Variants in BIN1 observed in about 807,000 individuals in gnomAD.
The protein encoded by BIN1 is bridging integrator 1.
Under a neutral mutation model 82.0 loss-of-function variants are expected in BIN1, and 53 were observed. The observed-to-expected ratio is 0.65, with a 90% CI of 0.52 to 0.81. The LOEUF is 0.81. Among genes scored for constraint, BIN1 ranks in the 40% least tolerant of loss-of-function variants. The pLI is 0.00. For synonymous variants in BIN1, 302 were observed against 328.0 expected (o/e 0.92, Z 0.86); for missense variants, 642 against 784.4 (o/e 0.82, Z 2.17).
At chr2:127,078,648 G>A (rs749933533) in intron 1 of BIN1, among the ~76,000 whole-genome samples, 18 of 152,172 alleles carry the variant, frequency 1.2e-4, no homozygotes, top group Non-Finnish European at 2.5e-4. Flanking sequence ...GGCTGACACA[G>A]GGATGAGAGA....
Position 127,053,925 on chromosome 2 carries a change from C to T in BIN1, c.1219G>A (p.Ala407Thr), listed in dbSNP as rs1378879035. 2 of 1,551,468 alleles carry T rather than the reference C, an allele frequency of 1.3e-6. No homozygotes were observed. Among genetic ancestry groups the T allele is most frequent in the Non-Finnish European group, 1.7e-6 (2 of 1,147,034 alleles). ...PLPPVTSPVK[A>T]PTPSGQSIPW... ...CCAACCTGACCAGAGGGCGTGGGTG[C>T]CTTCACAGGGCTCGTCACGGGCGGG... Residue 407 changes from alanine (A) to threonine (T), a missense_variant, in exon 13 of 19, where the codon GCA becomes ACA. By Grantham distance (58) the Ala-to-Thr change is moderately conservative (BLOSUM62 0). Transcript: ENST00000316724.
chr2:127,081,758 T>A, intron 1 of BIN1: 1 of 1,270,618 alleles, frequency 7.9e-7, no homozygotes, highest in Non-Finnish European at 1.0e-6. Context: ...AAGGGGGACC[T>A]CATCCAGCAA....
chr2:127,064,831 G>C (rs372833967), intron 7 of BIN1: 1 of 152,812 alleles, frequency 6.5e-6, no homozygotes, highest in African/African-American at 2.4e-5. Context: ...AAGGGACTGC[G>C]GGCAGCAGGT....
chr2:127,101,005 G>C (rs11674295), intron 1 of BIN1, among the ~76,000 whole-genome samples: 26 of 116,360 alleles, frequency 2.2e-4, no homozygotes, highest in Non-Finnish European at 3.9e-4. Flanking sequence ...TGTGCGGGGG[G>C]TGGGGATAGA....
chr2:127,091,615 G>A (rs1415825700), intron 1 of BIN1, among the ~76,000 whole-genome samples: 2 of 152,190 alleles, frequency 1.3e-5, no homozygotes, highest in South Asian at 2.1e-4. Flanking sequence ...CTGACCGGGC[G>A]TGGTGGTTCA....
At chr2:127,097,241 C>G (rs1311806121) in intron 1 of BIN1, among the ~76,000 whole-genome samples, 2 of 152,170 alleles carry the variant, frequency 1.3e-5, no homozygotes, top group Non-Finnish European at 2.9e-5. Flanking sequence ...AAAGGGTGAG[C>G]GGATCCACTG....
At chr2:127,097,829 A>G (rs1324976523) in intron 1 of BIN1, among the ~76,000 whole-genome samples, 1 of 152,200 alleles carries the variant, frequency 6.6e-6, no homozygotes, top group East Asian at 1.9e-4. Context: ...GCCTCTGCCC[A>G]TCTCCTCAAA....
intron 2 of BIN1, among the ~76,000 whole-genome samples, chr2:127,074,046 A>T (rs898482618): frequency 2.0e-5 from 3 of 152,032 alleles, no homozygotes; most frequent in Non-Finnish European, 2.9e-5. Flanking sequence ...CCCACCCCAT[A>T]AGAAGGGGTG....
intron 1 of BIN1, among the ~76,000 whole-genome samples, chr2:127,100,786 C>T (rs1014222216): frequency 9.2e-5 from 14 of 152,134 alleles, no homozygotes; most frequent in Non-Finnish European, 2.1e-4. Flanking sequence ...GGTGCTGGGC[C>T]TCTTCCACAG....
chr2:127,064,612 C>G (rs1415047903), intron 7 of BIN1, among the ~76,000 whole-genome samples: 1 of 152,218 alleles, frequency 6.6e-6, no homozygotes, highest in Non-Finnish European at 1.5e-5. Flanking sequence ...AGAGGGAGAC[C>G]AGAGGCAGCC....
At chr2:127,060,169 T>C (rs1684252056) in intron 10 of BIN1, among the ~76,000 whole-genome samples, 2 of 152,322 alleles carry the variant, frequency 1.3e-5, no homozygotes, top group African/African-American at 4.8e-5. Context: ...CCTTCTGGAA[T>C]TTGTGTTTTA....
intron 2 of BIN1, among the ~76,000 whole-genome samples, chr2:127,073,107 C>T (rs1686121151): frequency 6.6e-6 from 1 of 152,232 alleles, no homozygotes; most frequent in Non-Finnish European, 1.5e-5. Flanking sequence ...CTTGTGTTTC[C>T]CAAACAACGC....
intron 8 of BIN1, 63 bp from the exon 9 acceptor site, chr2:127,063,709 T>C (rs999185345): frequency 2.8e-5 from 44 of 1,559,336 alleles, no homozygotes; most frequent in Admixed American, 2.7e-4. Context: ...AACTCAGAAA[T>C]ACCCACCCAC....
At chr2:127,060,461 C>T in intron 10 of BIN1, 3 of 1,355,164 alleles carry the variant, frequency 2.2e-6, no homozygotes, top group Non-Finnish European at 3.1e-6. Flanking sequence ...ACGCACACGA[C>T]AGCCCTGCCG....
At chr2:127,053,826 G>A (rs1211387412) in intron 13 of BIN1, 79 bp downstream of exon 13, 8 of 1,396,274 alleles carry the variant, frequency 5.7e-6, no homozygotes, top group African/African-American at 5.7e-5. Flanking sequence ...CTGGGGTCAC[G>A]TGGCCAATAG....
intron 14 of BIN1, 175 bp from the exon 15 acceptor site, chr2:127,052,537 CA>C (rs1573541445): frequency 6.4e-6 from 4 of 622,648 alleles, no homozygotes; most frequent in African/African-American, 3.7e-5. Flanking sequence ...TCTCTCCTAC[CA>C]CTGTCAAAGG....
Position 127,106,973 on chromosome 2 carries a change from G to A in BIN1, c.-30C>T, listed in dbSNP as rs746253876. On this transcript the variant is annotated 5_prime_UTR_variant, in exon 1 of 19. Transcript: ENST00000316724. ...GCGCAGGCCTCGCCCGGTGGCAGGGGCCGCTCTCGCGCGGGGAGATCTTGC... is the reference window on the plus strand; with the variant it reads ...GCGCAGGCCTCGCCCGGTGGCAGGGACCGCTCTCGCGCGGGGAGATCTTGC... The A allele has an allele frequency of 6.3e-7, 1 of 1,597,014 alleles. No individual in the cohort carries two copies. Among genetic ancestry groups the A allele is most frequent in the South Asian group, 1.1e-5 (1 of 88,982 alleles).
intron 12 of BIN1, among the ~76,000 whole-genome samples, chr2:127,056,745 A>C (rs997738529): frequency 2.0e-5 from 3 of 152,192 alleles, no homozygotes; most frequent in Non-Finnish European, 2.9e-5. Flanking sequence ...CAAATCTGAC[A>C]ACACGTCAGC....
At position 127,082,415 on chromosome 2, in the gene BIN1, C is replaced by A. The variant is rs1687415461; in HGVS notation, c.85-5709G>T. 6.6e-6 allele frequency among the ~76,000 whole-genome samples: 1 copy of A among 152,168 alleles called. No individual in the cohort carries two copies. The highest frequency in any genetic ancestry group is 2.4e-5 in the African/African-American group (1 of 41,436). ...GCTCTGAGGCCTTGCAGGCACTCAG[C>A]TGGGGATACCAGGGACATCGCAGGA... On this transcript the variant is annotated intron_variant, in intron 1 of 18. Transcript: ENST00000316724. This position sits in a 1 kb window ranked among gnomAD's most constrained non-coding sequence, Gnocchi z 6.1.
Sources: gnomAD v4.1 joint callset for allele counts (sites outside exome capture counted in the v4.1 genomes callset) on GRCh38, gnomAD v4.1.1 for gene constraint, Gnocchi (gnomAD v3.1) non-coding constraint, MANE v1.5 for transcripts, NCBI Gene and HGNC (gene_info 2026-07-23, HGNC 2026-07-21) for gene names.